The following ASPSCR1 variants were observed in gnomAD, a reference collection of about 807,000 sequenced individuals.
ASPSCR1 encodes ASPSCR1 tether for SLC2A4, UBX domain containing, also known as tether containing UBX domain for GLUT4.
A neutral mutation model predicts 68.9 loss-of-function variants in ASPSCR1; 55 were observed. The observed-to-expected ratio is 0.80, with a 90% CI of 0.64 to 1.00. The LOEUF is 1.00. ASPSCR1 is among the 50% of genes least tolerant of loss of function. The pLI, the probability that ASPSCR1 is intolerant of heterozygous loss-of-function variation, is 0.00. For synonymous variants in ASPSCR1, 352 were observed against 332.6 expected, an observed-to-expected ratio of 1.06 and a Z score of -0.63; for missense variants, 765 against 762.2, an observed-to-expected ratio of 1.00 and a Z score of -0.04.
intron 4 of ASPSCR1, among the ~76,000 whole-genome samples, chr17:81,993,483 G>T (rs1252232195): frequency 1.3e-5 from 2 of 152,160 alleles, no homozygotes; most frequent in African/African-American, 4.8e-5. Context: ...AAAGTGCTGG[G>T]ATTACAGGCG....
chr17:82,010,160 GA>G (rs1322881948), intron 9 of ASPSCR1: 1 of 254,470 alleles, frequency 3.9e-6, no homozygotes, highest in Non-Finnish European at 7.9e-6. Flanking sequence ...GACCTCAGGT[GA>G]TCTGCCCGCC....
At chr17:82,009,928 TGA>T in intron 9 of ASPSCR1, 1 of 250,394 alleles carries the variant, frequency 4.0e-6, no homozygotes, top group Non-Finnish European at 8.1e-6. Flanking sequence ...TTTTTTTTTT[TGA>T]GACGGAGTCT....
intron 7 of ASPSCR1, among the ~76,000 whole-genome samples, chr17:82,001,529 C>T (rs1227775333): frequency 1.3e-5 from 2 of 152,162 alleles, no homozygotes; most frequent in South Asian, 2.1e-4. Flanking sequence ...GGCTGAGTCC[C>T]GGCTGTTTAG....
At chr17:81,984,612 A>G (rs2041903944) in intron 3 of ASPSCR1, among the ~76,000 whole-genome samples, 1 of 151,276 alleles carries the variant, frequency 6.6e-6, no homozygotes, top group Admixed American at 6.6e-5. Flanking sequence ...AACATTTACC[A>G]TCTCATGTGG....
chr17:82,009,057 G>A lies in ASPSCR1; in HGVS notation c.954G>A (p.Val318=). The A allele has an allele frequency of 6.4e-7, 1 of 1,559,302 alleles. No homozygotes were observed. Among genetic ancestry groups the A allele is most frequent in the Non-Finnish European group, 8.7e-7 (1 of 1,152,276 alleles). The change falls in exon 8 of 16, where the codon GTG becomes GTA. Residue 318 remains valine (V), a synonymous_variant. Transcript: ENST00000306739. ...ERERPVDREP[V]DREPVVCHPD... ...TCCAGCCCGTGGACCGGGAGCCCGTGGACCGGGAGCCGGTGGTGTGCCACC... is the reference window on the plus strand; with the variant it reads ...TCCAGCCCGTGGACCGGGAGCCCGTAGACCGGGAGCCGGTGGTGTGCCACC...
At position 82,016,944 on chromosome 17, in the gene ASPSCR1, C is replaced by G. The variant is rs1216101065; in HGVS notation, c.1479C>G (p.Tyr493Ter). 1 of 1,611,530 alleles carries G rather than the reference C, an allele frequency of 6.2e-7. No individual in the cohort carries two copies. The highest frequency in any genetic ancestry group is 1.7e-5 in the Admixed American group (1 of 59,978). The change falls in exon 15 of 16, where the codon TAC (tyrosine) becomes TAG (stop). Residue 493 changes from tyrosine to a stop codon, truncating the protein, a stop_gained. Transcript: ENST00000306739. LOFTEE classifies it high-confidence loss of function. ...PSAADVLVAR[Y>*]MSRAAGSPSP... ...CTGTGTCTTCGCCTCCCCACAGGTA[C>G]ATGTCCAGGGCCGCCGGGTCCCCTT...
At chr17:82,016,669 C>A in intron 13 of ASPSCR1, 131 bp from the exon 14 acceptor site, 1 of 1,443,074 alleles carries the variant, frequency 6.9e-7, no homozygotes. Context: ...AACCACCTCC[C>A]CGAGAGAGGA....
At chr17:82,012,888 A>C (rs1375704755) in intron 12 of ASPSCR1, 2 of 157,126 alleles carry the variant, frequency 1.3e-5, no homozygotes, top group East Asian at 3.8e-4. Flanking sequence ...AGCCAGAAGC[A>C]ATGAATGTCC....
At chr17:81,995,643 C>T (rs1042000698) in intron 5 of ASPSCR1, 8 of 474,498 alleles carry the variant, frequency 1.7e-5, no homozygotes, top group East Asian at 1.3e-4. Flanking sequence ...GGTGACAGCA[C>T]GTTCCTGCCT....
rs188761797 is a variant in ASPSCR1, at chr17:81,987,848, A to C, written c.374+2241A>C. Among the ~76,000 whole-genome samples the C allele has an allele frequency of 1.4e-3, 219 of 151,836 alleles. 3 individuals carry two copies. The highest frequency in any genetic ancestry group is 5.2e-3 in the African/African-American group (216 of 41,416). ...GGTGACAAGAGCAAAACTCCATCTCAAAAAAACAAAAAAACAAAAGAAACA... is the reference window on the plus strand; with the variant it reads ...GGTGACAAGAGCAAAACTCCATCTCCAAAAAACAAAAAAACAAAAGAAACA... On this transcript the variant is annotated intron_variant, in intron 4 of 15. Transcript: ENST00000306739. This position sits in a 1 kb window ranked among gnomAD's most constrained non-coding sequence, Gnocchi z 5.6.
intron 11 of ASPSCR1, 111 bp downstream of exon 11, chr17:82,011,716 C>A: frequency 8.2e-7 from 1 of 1,224,116 alleles, no homozygotes; most frequent in Non-Finnish European, 1.2e-6. Context: ...ACAGGAGCAG[C>A]ATCTGTGGCC....
At chr17:82,017,162 GGGGTCCGGGTGCTGTGGCA>G (rs1369099585) in intron 15 of ASPSCR1, 49 bp downstream of exon 15, 1 of 1,565,148 alleles carries the variant, frequency 6.4e-7, no homozygotes, top group East Asian at 2.3e-5. Context: ...GTGGAGGGCG[GGGGTCCGGGTGCTGTGGCA>G]GGGTCAGTGG....
chr17:82,010,962 C>A (rs1267756499), intron 10 of ASPSCR1, 94 bp downstream of exon 10: 7 of 1,461,038 alleles, frequency 4.8e-6, no homozygotes, highest in Non-Finnish European at 5.6e-6. Context: ...CTGCAGCCAC[C>A]TGGCCTGCGG....
chr17:82,002,481 C>T (rs2042570060), intron 7 of ASPSCR1, among the ~76,000 whole-genome samples: 1 of 152,092 alleles, frequency 6.6e-6, no homozygotes, highest in African/African-American at 2.4e-5. Flanking sequence ...TCTCGCACTC[C>T]TGACCTCAGG....
intron 12 of ASPSCR1, 131 bp downstream of exon 12, chr17:82,012,414 C>A (rs746194278): frequency 3.6e-6 from 4 of 1,112,746 alleles, no homozygotes; most frequent in Non-Finnish European, 5.2e-6. Context: ...CTTTGAGAGC[C>A]GGTGGGTTCC....
At position 82,012,238 on chromosome 17, in the gene ASPSCR1, C is replaced by G; in HGVS notation, c.1308C>G (p.Thr436=). The G allele has an allele frequency of 4.3e-6, 7 of 1,613,610 alleles. No homozygotes were observed. Among genetic ancestry groups the G allele is most frequent in the Non-Finnish European group, 5.9e-6 (7 of 1,179,894 alleles). The stretch of plus-strand genomic sequence containing the variant: ...GGTGCCTTCTCTCCTCAGTCATCAC[C>G]CCTCCAAAAACAGTCCTGGACGACC... ...NPELSFYLFI[T]PPKTVLDDHT... Residue 436 remains threonine (T), a synonymous_variant, in exon 12 of 16, where the codon ACC becomes ACG. Coordinates refer to ENST00000306739, the MANE Select transcript of ASPSCR1 (RefSeq NM_024083.4).
In ASPSCR1 at chr17:81,983,683, G is replaced by T. The variant is rs762233864; in HGVS notation, c.273+15G>T. The T allele has an allele frequency of 1.9e-6, 3 of 1,590,092 alleles. No homozygotes were observed. The African/African-American group carries it at 4.0e-5, about 21-fold the overall frequency. On this transcript the variant is annotated intron_variant, in intron 3 of 15. Coordinates refer to ENST00000306739, the MANE Select transcript of ASPSCR1 (RefSeq NM_024083.4). The surrounding 1 kb of genome is among the most constrained non-coding windows in gnomAD (Gnocchi z 4.4). ...CTGAGAACATGGTGGGTCGTGCTCT[G>T]GGGGAGGCTGACTGTGTGGGGCACA...
intron 1 of ASPSCR1, chr17:81,978,811 A>C (rs1567949283): frequency 6.4e-6 from 2 of 314,436 alleles, no homozygotes; most frequent in Non-Finnish European, 1.2e-5. Context: ...GCAGGTGCAC[A>C]GAACCGTGCC....
chr17:81,983,618 A>C lies in ASPSCR1; in HGVS notation c.223A>C (p.Lys75Gln). 6.2e-7 allele frequency: 1 copy of C among 1,613,552 alleles called. No homozygotes were observed. Among genetic ancestry groups the C allele is most frequent in the South Asian group, 1.1e-5 (1 of 90,974 alleles). ...ATTTGCCAACCTGCCCAACAATGCC[A>C]AGCTGGAGATGGTGCCCGCTTCCCG... Reference protein sequence around the residue: ...WRFANLPNNAKLEMVPASRSR... With the variant: ...WRFANLPNNAQLEMVPASRSR... Residue 75 changes from lysine to glutamine, a missense_variant, in exon 3 of 16, where the codon AAG becomes CAG. Lys to Gln is a moderately conservative substitution (Grantham distance 53). Coordinates refer to ENST00000306739, the MANE Select transcript of ASPSCR1 (RefSeq NM_024083.4). The surrounding 1 kb of genome is among the most constrained non-coding windows in gnomAD (Gnocchi z 4.4).
Sources: gnomAD v4.1 joint callset for allele counts (sites outside exome capture counted in the v4.1 genomes callset) on GRCh38, gnomAD v4.1.1 for gene constraint, Gnocchi (gnomAD v3.1) non-coding constraint, MANE v1.5 for transcripts, NCBI Gene and HGNC (gene_info 2026-07-23, HGNC 2026-07-21) for gene names.